The following SPATA16 variants were observed in gnomAD, a reference collection of about 807,000 sequenced individuals.
The protein encoded by SPATA16 is spermatogenesis-associated protein 16.
In SPATA16, 36 loss-of-function variants were observed where a neutral mutation model predicts 63.3. The observed-to-expected ratio is 0.57, with a 90% CI of 0.44 to 0.75. SPATA16 has a LOEUF of 0.75. Among genes scored for constraint, SPATA16 ranks in the 30% least tolerant of loss-of-function variants. SPATA16 has a pLI of 0.00. For missense variants in SPATA16, 646 were observed against 679.3 expected (o/e 0.95, Z 0.54); for synonymous variants, 203 against 216.7 (o/e 0.94, Z 0.56).
chr3:173,123,457 G>GA (rs1553806088), intron 1 of SPATA16, among the ~76,000 whole-genome samples: 1 of 148,954 alleles, frequency 6.7e-6, no homozygotes, highest in Non-Finnish European at 1.5e-5. Context: ...TACTTTAAAA[G>GA]TTTTTTTTTT....
At chr3:173,139,812 C>T (rs1423246584) in intron 1 of SPATA16, among the ~76,000 whole-genome samples, 1 of 152,126 alleles carries the variant, frequency 6.6e-6, no homozygotes, top group Non-Finnish European at 1.5e-5. Context: ...ATGGCAAAAT[C>T]ATGTCTCTAC....
intron 10 of SPATA16, among the ~76,000 whole-genome samples, chr3:172,906,768 G>T (rs1257520512): frequency 6.6e-6 from 1 of 151,908 alleles, no homozygotes; most frequent in Non-Finnish European, 1.5e-5. Context: ...TTGAGACAAA[G>T]TCTCGCTCTG....
intron 2 of SPATA16, among the ~76,000 whole-genome samples, chr3:173,071,667 AAAG>A (rs986388595): frequency 6.6e-6 from 1 of 152,232 alleles, no homozygotes; most frequent in Non-Finnish European, 1.5e-5. Context: ...ACATATTTCA[AAAG>A]AAGACATGCA....
At chr3:173,114,119 G>A (rs1391321859) in intron 2 of SPATA16, among the ~76,000 whole-genome samples, 3 of 148,044 alleles carry the variant, frequency 2.0e-5, no homozygotes, top group African/African-American at 7.6e-5. Context: ...GGCGGAGGTT[G>A]CAGTGAGCTG....
chr3:173,013,586 AAGAC>A (rs1735118457), intron 4 of SPATA16, among the ~76,000 whole-genome samples: 1 of 152,240 alleles, frequency 6.6e-6, no homozygotes, highest in African/African-American at 2.4e-5. Context: ...AGGCGGGACA[AAGAC>A]AGTTAATCAA....
At chr3:173,131,400 A>G (rs1373487302) in intron 1 of SPATA16, among the ~76,000 whole-genome samples, 2 of 152,210 alleles carry the variant, frequency 1.3e-5, no homozygotes, top group African/African-American at 4.8e-5. Flanking sequence ...CCCTCGTCAA[A>G]GTGAGCTGAC....
chr3:173,066,193 C>T (rs1577156843), intron 2 of SPATA16, among the ~76,000 whole-genome samples: 1 of 151,602 alleles, frequency 6.6e-6, no homozygotes, highest in East Asian at 2.0e-4. Context: ...TGCTGGATAG[C>T]ATTTCTAGAT....
At chr3:173,095,880 A>G (rs1434092322) in intron 2 of SPATA16, among the ~76,000 whole-genome samples, 2 of 152,158 alleles carry the variant, frequency 1.3e-5, no homozygotes, top group Non-Finnish European at 2.9e-5. Flanking sequence ...AACTTCTATC[A>G]TATTTACTTT....
intron 2 of SPATA16, among the ~76,000 whole-genome samples, chr3:173,112,705 A>G (rs1737777741): frequency 6.6e-6 from 1 of 152,244 alleles, no homozygotes; most frequent in Non-Finnish European, 1.5e-5. Context: ...TTCACACACC[A>G]GCGACTGGAG....
chr3:173,029,533 C>T (rs1735552122), intron 3 of SPATA16, among the ~76,000 whole-genome samples: 1 of 151,730 alleles, frequency 6.6e-6, no homozygotes, highest in South Asian at 2.1e-4. Context: ...GGTTGTACCA[C>T]ATGAGAAAAA....
intron 2 of SPATA16, among the ~76,000 whole-genome samples, chr3:173,104,251 G>A (rs1395238251): frequency 2.6e-5 from 4 of 152,174 alleles, no homozygotes; most frequent in African/African-American, 9.6e-5. Flanking sequence ...CTTCTTCTGA[G>A]CCCTCCCAAA....
At chr3:173,122,139 G>A (rs79132323) in intron 1 of SPATA16, among the ~76,000 whole-genome samples, 4,625 of 152,026 alleles carry the variant, frequency 0.03, 98 homozygotes, top group Middle Eastern at 0.13. Flanking sequence ...TTAAAAAATC[G>A]TTAGCAAATA....
At chr3:172,978,727 C>T (rs1351724129) in intron 4 of SPATA16, among the ~76,000 whole-genome samples, 6 of 152,084 alleles carry the variant, frequency 3.9e-5, no homozygotes, top group East Asian at 1.9e-4. Context: ...TGTAAAGGGT[C>T]GATAGTAACT....
At chr3:173,112,918 A>T (rs886813564) in intron 2 of SPATA16, among the ~76,000 whole-genome samples, 10 of 151,980 alleles carry the variant, frequency 6.6e-5, no homozygotes, top group Non-Finnish European at 1.2e-4. Context: ...AATTATTAGG[A>T]TCCTATGATT....
intron 2 of SPATA16, among the ~76,000 whole-genome samples, chr3:173,095,631 G>A (rs1385000631): frequency 6.6e-6 from 1 of 152,100 alleles, no homozygotes; most frequent in Non-Finnish European, 1.5e-5. Context: ...ATTTGACTAA[G>A]CCATTATTGA....
chr3:173,026,153 A>G (rs556700530), intron 3 of SPATA16, among the ~76,000 whole-genome samples: 2 of 151,720 alleles, frequency 1.3e-5, no homozygotes, highest in East Asian at 3.9e-4. Flanking sequence ...ATGGTATCTC[A>G]TTGTGGCTTT....
intron 1 of SPATA16, among the ~76,000 whole-genome samples, chr3:173,137,184 C>A (rs1351878974): frequency 6.6e-6 from 1 of 152,132 alleles, no homozygotes; most frequent in Non-Finnish European, 1.5e-5. Flanking sequence ...TGGGAATGTC[C>A]CAGAAAGAAG....
rs374482670 is a variant in SPATA16 at position 173,008,197 on chromosome 3, G to A, written c.848+11289C>T. Reference sequence around the variant, plus strand: ...ATACTGTGGCCCTCAGCCTTCCATGGGCTCTTAGTTATTTACCAGCTGATG... The same window carrying A: ...ATACTGTGGCCCTCAGCCTTCCATGAGCTCTTAGTTATTTACCAGCTGATG... On this transcript the variant is annotated intron_variant, in intron 4 of 10. Transcript: ENST00000351008. Among the ~76,000 whole-genome samples, 526 of 152,172 alleles carry A rather than the reference G, an allele frequency of 3.5e-3. 3 individuals are homozygous for A. The highest frequency in any genetic ancestry group is 0.012 in the African/African-American group (509 of 41,508).
At chr3:172,917,520 C>T (rs553125579) in intron 8 of SPATA16, among the ~76,000 whole-genome samples, 15 of 152,206 alleles carry the variant, frequency 9.9e-5, no homozygotes, top group Non-Finnish European at 2.1e-4. Context: ...ACTATGCTCG[C>T]TTGTGGACTT....
Sources: gnomAD v4.1 joint callset for allele counts (sites outside exome capture counted in the v4.1 genomes callset) on GRCh38, gnomAD v4.1.1 for gene constraint, MANE v1.5 for transcripts, NCBI Gene and HGNC (gene_info 2026-07-23, HGNC 2026-07-21) for gene names.